The following PLD5 variants were observed in gnomAD, a reference collection of about 807,000 sequenced individuals.
PLD5 encodes the protein phospholipase D family member 5, also known as inactive phospholipase D5.
A neutral mutation model predicts 61.1 loss-of-function variants in PLD5; 36 were observed. The observed-to-expected ratio is 0.59, with a 90% CI of 0.45 to 0.78. The LOEUF is 0.78. PLD5 is among the 30% of genes least tolerant of loss of function. The pLI, the probability that PLD5 is intolerant of heterozygous loss-of-function variation, is 0.00. For synonymous variants in PLD5, 243 were observed against 242.8 expected (o/e 1.00, Z -0.01); for missense variants, 515 against 644.4 (o/e 0.80, Z 2.17).
chr1:242,518,027 C>G (rs1287146182), intron 1 of PLD5, among the ~76,000 whole-genome samples: 3 of 152,180 alleles, frequency 2.0e-5, no homozygotes, highest in Non-Finnish European at 4.4e-5. Context: ...TTTGCCTACT[C>G]TGGAGGATAA....
chr1:242,189,525 A>G (rs552383442), intron 5 of PLD5, among the ~76,000 whole-genome samples: 9 of 151,098 alleles, frequency 6.0e-5, no homozygotes, highest in Non-Finnish European at 1.3e-4. Context: ...GTCAGCAAGT[A>G]TTTATTGAGA....
chr1:242,433,789 A>G (rs1382426257), intron 1 of PLD5, among the ~76,000 whole-genome samples: 3 of 152,142 alleles, frequency 2.0e-5, no homozygotes, highest in Non-Finnish European at 4.4e-5. Flanking sequence ...TAGTGGCCTC[A>G]AGACAAGATC....
chr1:242,309,314 A>C (rs1257666388), intron 2 of PLD5, among the ~76,000 whole-genome samples: 1 of 62,026 alleles, frequency 1.6e-5, no homozygotes, highest in African/African-American at 4.3e-5. Context: ...ATAAAACCCA[A>C]CAAAACAGAA....
At chr1:242,522,374 C>A (rs537235416) in intron 1 of PLD5, among the ~76,000 whole-genome samples, 2 of 152,308 alleles carry the variant, frequency 1.3e-5, no homozygotes, top group South Asian at 4.1e-4. Flanking sequence ...AAAGGTGAGA[C>A]TGCTGTGGCA....
At chr1:242,250,709 A>T (rs1220438710) in intron 4 of PLD5, among the ~76,000 whole-genome samples, 7 of 152,244 alleles carry the variant, frequency 4.6e-5, no homozygotes, top group African/African-American at 1.7e-4. Context: ...CAAGCCGCCA[A>T]AAAATTGGTA....
intron 5 of PLD5, among the ~76,000 whole-genome samples, chr1:242,213,133 T>C (rs532614884): frequency 5.3e-5 from 8 of 152,330 alleles, no homozygotes; most frequent in African/African-American, 1.9e-4. Context: ...TTCCTCACAA[T>C]TGGCCTATAA....
chr1:242,485,467 T>G (rs116369910), intron 1 of PLD5, among the ~76,000 whole-genome samples: 6,588 of 152,184 alleles, frequency 0.043, 228 homozygotes, highest in Middle Eastern at 0.061. Flanking sequence ...ATCCACAATT[T>G]CTTCAAAGAG....
At chr1:242,107,468 T>C (rs751263630) in intron 8 of PLD5, among the ~76,000 whole-genome samples, 9 of 147,780 alleles carry the variant, frequency 6.1e-5, no homozygotes, top group Non-Finnish European at 1.2e-4. Flanking sequence ...AGAAGAGGGC[T>C]GGACGGAGGA....
intron 5 of PLD5, among the ~76,000 whole-genome samples, chr1:242,151,424 AT>A (rs766509774): frequency 1.4e-4 from 22 of 151,918 alleles, no homozygotes; most frequent in Non-Finnish European, 2.5e-4. Flanking sequence ...TTTTTCACCA[AT>A]TATAAAATTT....
intron 8 of PLD5, among the ~76,000 whole-genome samples, chr1:242,105,917 A>C (rs1410289943): frequency 1.3e-5 from 2 of 152,236 alleles, no homozygotes; most frequent in African/African-American, 4.8e-5. Flanking sequence ...CATGGAAATA[A>C]CTAGAAACAA....
intron 1 of PLD5, among the ~76,000 whole-genome samples, chr1:242,494,878 C>CTTTTTTTTTTTTT (rs556893161): frequency 5.2e-5 from 7 of 135,886 alleles, no homozygotes; most frequent in East Asian, 2.2e-4. Context: ...TTTTTCTTTT[C>CTTTTTTTTTTTTT]TGTTTTTTTT....
chr1:242,118,862 G>C (rs371869457), intron 6 of PLD5, among the ~76,000 whole-genome samples: 2 of 152,192 alleles, frequency 1.3e-5, no homozygotes, highest in Non-Finnish European at 2.9e-5. Context: ...ACTAGTGGCT[G>C]TAAAATGTCT....
chr1:242,152,609 G>A (rs1037336952), intron 5 of PLD5, among the ~76,000 whole-genome samples: 1 of 151,688 alleles, frequency 6.6e-6, no homozygotes, highest in Non-Finnish European at 1.5e-5. Flanking sequence ...TGTGATGTTT[G>A]GTTTTCTGTT....
intron 1 of PLD5, among the ~76,000 whole-genome samples, chr1:242,438,306 C>A (rs1666100957): frequency 6.6e-6 from 1 of 151,254 alleles, no homozygotes; most frequent in Admixed American, 6.6e-5. Context: ...CTCTGTTGCC[C>A]TGGCTGGAGT....
chr1:242,527,114 C>CTTTTTT (rs530334746), upstream of PLD5, among the ~76,000 whole-genome samples: 409 of 71,948 alleles, frequency 5.7e-3, 63 homozygotes, highest in African/African-American at 0.012. Flanking sequence ...CTATCTCCTT[C>CTTTTTT]TTTTTTTTTT....
At chr1:242,348,989 G>A (rs935637060) in intron 1 of PLD5, among the ~76,000 whole-genome samples, 1 of 152,208 alleles carries the variant, frequency 6.6e-6, no homozygotes, top group Non-Finnish European at 1.5e-5. Context: ...GGGAGGCGGA[G>A]CTTGCAGTGA....
At chr1:242,193,267 A>G (rs1182706362) in intron 5 of PLD5, among the ~76,000 whole-genome samples, 1 of 152,228 alleles carries the variant, frequency 6.6e-6, no homozygotes, top group Non-Finnish European at 1.5e-5. Context: ...ACTGAAGATA[A>G]CGTAGAGAAA....
intron 4 of PLD5, among the ~76,000 whole-genome samples, chr1:242,221,792 A>C (rs1490134591): frequency 6.6e-6 from 1 of 152,176 alleles, no homozygotes; most frequent in Non-Finnish European, 1.5e-5. Flanking sequence ...GGAGAGACCC[A>C]AATCTGCATG....
chr1:242,322,392 T>C (rs1380468858), intron 2 of PLD5, among the ~76,000 whole-genome samples: 1 of 152,232 alleles, frequency 6.6e-6, no homozygotes. Context: ...GTCAGGGCTG[T>C]CTGAATACCC....
Sources: gnomAD v4.1 joint callset for allele counts (sites outside exome capture counted in the v4.1 genomes callset) on GRCh38, gnomAD v4.1.1 for gene constraint, MANE v1.5 for transcripts, NCBI Gene and HGNC (gene_info 2026-07-23, HGNC 2026-07-21) for gene names.